The following FLI1 variants were observed in gnomAD, a reference collection of about 807,000 sequenced individuals.
The protein encoded by FLI1 is Friend leukemia integration 1 transcription factor.
Under a neutral mutation model 53.1 loss-of-function variants are expected in FLI1, and 13 were observed. That is an observed-to-expected ratio of 0.24 (90% CI 0.16 to 0.39). FLI1 has a LOEUF of 0.39. Among genes scored for constraint, FLI1 ranks in the 10% least tolerant of loss-of-function variants. The pLI is 1.00. For missense variants in FLI1, 424 were observed against 600.5 expected, an observed-to-expected ratio of 0.71 and a Z score of 3.07; for synonymous variants, 244 against 236.7, an observed-to-expected ratio of 1.03 and a Z score of -0.28.
At chr11:128,749,434 G>A (rs776230651) in intron 1 of FLI1, among the ~76,000 whole-genome samples, 6 of 152,158 alleles carry the variant, frequency 3.9e-5, no homozygotes, top group Admixed American at 2.6e-4. Flanking sequence ...CTCTCCATAC[G>A]GTTGCTCAGC....
intron 2 of FLI1, among the ~76,000 whole-genome samples, chr11:128,758,912 C>A (rs2135811843): frequency 6.6e-6 from 1 of 152,326 alleles, no homozygotes; most frequent in East Asian, 1.9e-4. Flanking sequence ...GAGAGAAAAT[C>A]ACAGGGTCAT....
intron 1 of FLI1, among the ~76,000 whole-genome samples, chr11:128,755,635 G>A (rs894570491): frequency 6.6e-6 from 1 of 152,216 alleles, no homozygotes. Context: ...CTGAAATCAA[G>A]AGTGGATATA....
chr11:128,759,480 G>C (rs1329167459), intron 2 of FLI1, among the ~76,000 whole-genome samples: 2 of 152,224 alleles, frequency 1.3e-5, no homozygotes, highest in African/African-American at 4.8e-5. Context: ...TCCCAGATAG[G>C]AAATAATGAA....
upstream of FLI1, among the ~76,000 whole-genome samples, chr11:128,689,498 G>T (rs1937653687): frequency 6.6e-6 from 1 of 152,168 alleles, no homozygotes; most frequent in Non-Finnish European, 1.5e-5. Flanking sequence ...TCTTCCGCCT[G>T]TCCCCCGGAC....
At position 128,707,479 on chromosome 11, in the gene FLI1, C is replaced by T. The variant is rs192590761; in HGVS notation, c.18+13203C>T. 5.9e-5 allele frequency among the ~76,000 whole-genome samples: 9 copies of T among 152,276 alleles called. No homozygotes were observed. The East Asian group carries it at 7.7e-4, about 13-fold the overall frequency. ...AAAGAGCAGGTGACTTTTCTAGAAA[C>T]GTCATTTCAGGAAACCAGCATGTGG... On this transcript the variant is annotated intron_variant, in intron 1 of 8. Transcript: ENST00000527786.
intron 1 of FLI1, among the ~76,000 whole-genome samples, chr11:128,718,155 C>T (rs1358826699): frequency 1.3e-5 from 2 of 152,260 alleles, no homozygotes; most frequent in African/African-American, 2.4e-5. Context: ...GATACAGCAA[C>T]TAACACTTAC....
intron 1 of FLI1, among the ~76,000 whole-genome samples, chr11:128,706,639 A>G (rs1322393085): frequency 6.6e-6 from 1 of 152,098 alleles, no homozygotes; most frequent in East Asian, 1.9e-4. Flanking sequence ...CACGCTCTAC[A>G]ATGAGGGTGT....
chr11:128,700,137 T>C (rs1591731643), intron 1 of FLI1, among the ~76,000 whole-genome samples: 1 of 152,342 alleles, frequency 6.6e-6, no homozygotes, highest in East Asian at 1.9e-4. Flanking sequence ...GTTGTTTATG[T>C]AGTCCCTTTC....
chr11:128,805,522 G>A (rs1942758839), intron 6 of FLI1, 91 bp downstream of exon 6: 1 of 795,222 alleles, frequency 1.3e-6, no homozygotes, highest in South Asian at 1.8e-5. Flanking sequence ...AGAGCAGCAA[G>A]CATTTGTTTC....
chr11:128,760,356 C>A (rs1331194391), intron 2 of FLI1, among the ~76,000 whole-genome samples: 1 of 151,962 alleles, frequency 6.6e-6, no homozygotes, highest in Non-Finnish European at 1.5e-5. Flanking sequence ...TGTTAGGCAC[C>A]TTTCTGCTCC....
At chr11:128,707,057 G>T (rs986923211) in intron 1 of FLI1, among the ~76,000 whole-genome samples, 38 of 152,300 alleles carry the variant, frequency 2.5e-4, no homozygotes, top group Middle Eastern at 3.4e-3. Flanking sequence ...CTGTGAGGGG[G>T]TTATGGGCAC....
At chr11:128,721,288 A>G (rs1217996785) in intron 1 of FLI1, among the ~76,000 whole-genome samples, 1 of 152,150 alleles carries the variant, frequency 6.6e-6, no homozygotes, top group Non-Finnish European at 1.5e-5. Flanking sequence ...TGTACTTGGC[A>G]CCTCCTATTC....
intron 1 of FLI1, among the ~76,000 whole-genome samples, chr11:128,741,032 G>C (rs1940114453): frequency 6.6e-6 from 1 of 152,174 alleles, no homozygotes; most frequent in African/African-American, 2.4e-5. Flanking sequence ...GGCTGGGTTT[G>C]ACATTTAAGG....
At chr11:128,745,045 CAG>C (rs1940318384) in intron 1 of FLI1, among the ~76,000 whole-genome samples, 1 of 152,084 alleles carries the variant, frequency 6.6e-6, no homozygotes, top group Non-Finnish European at 1.5e-5. Flanking sequence ...GCAGAGAAGA[CAG>C]GGAGGCAATT....
intron 4 of FLI1, among the ~76,000 whole-genome samples, chr11:128,777,873 G>C (rs1941788068): frequency 6.6e-6 from 1 of 152,220 alleles, no homozygotes; most frequent in Non-Finnish European, 1.5e-5. Flanking sequence ...ATGAAAAGCA[G>C]GTTAGGTTGA....
At chr11:128,805,462 A>T (rs1343832089) in intron 6 of FLI1, 31 bp downstream of exon 6, 2 of 1,378,562 alleles carry the variant, frequency 1.5e-6, no homozygotes, top group Non-Finnish European at 2.0e-6. Context: ...TCTTTGGAGG[A>T]AAGCATGTTT....
chr11:128,798,130 T>C (rs1409504246), intron 5 of FLI1, among the ~76,000 whole-genome samples: 2 of 152,218 alleles, frequency 1.3e-5, no homozygotes, highest in African/African-American at 4.8e-5. Flanking sequence ...TATGTTTTCT[T>C]CTTTCTACCT....
At chr11:128,712,575 A>C (rs925113980) in intron 1 of FLI1, among the ~76,000 whole-genome samples, 2 of 152,188 alleles carry the variant, frequency 1.3e-5, no homozygotes, top group Non-Finnish European at 2.9e-5. Flanking sequence ...AGGCTTCACA[A>C]TCATGGCGGA....
intron 1 of FLI1, among the ~76,000 whole-genome samples, chr11:128,712,917 G>A (rs1009983036): frequency 2.6e-5 from 4 of 152,206 alleles, no homozygotes; most frequent in Non-Finnish European, 4.4e-5. Flanking sequence ...ACCTCCTGTG[G>A]TTTTAGAATC....
Sources: allele counts gnomAD v4.1 joint callset (sites outside exome capture counted in the v4.1 genomes callset), GRCh38; gene constraint gnomAD v4.1.1; transcripts MANE v1.5; gene names NCBI Gene and HGNC (gene_info 2026-07-23, HGNC 2026-07-21).